Variants in CNTNAP2 observed in about 807,000 individuals in gnomAD.
The protein encoded by CNTNAP2 is contactin-associated protein-like 2.
In CNTNAP2, 98 loss-of-function variants were observed where a neutral mutation model predicts 155.2. The observed-to-expected ratio is 0.63, with a 90% confidence interval of 0.54 to 0.75. The LOEUF is 0.75. Ranked by LOEUF, CNTNAP2 falls within the 30% of genes least tolerant of loss-of-function variation. The probability of loss-of-function intolerance (pLI) is 0.00; values close to 1 mark genes in which losing one functional copy is unlikely to be tolerated. For missense variants in CNTNAP2, 1,727 were observed against 1,688.1 expected, an observed-to-expected ratio of 1.02 and a Z score of -0.40; for synonymous variants, 651 against 631.2, an observed-to-expected ratio of 1.03 and a Z score of -0.47.
At chr7:147,862,107 A>G (rs1413622709) in intron 13 of CNTNAP2, among the ~76,000 whole-genome samples, 2 of 152,082 alleles carry the variant, frequency 1.3e-5, no homozygotes. Flanking sequence ...ATGAAACAGT[A>G]TTCCAGCAAA....
chr7:147,888,423 G>A (rs1430571317), intron 13 of CNTNAP2, among the ~76,000 whole-genome samples: 1 of 151,950 alleles, frequency 6.6e-6, no homozygotes, highest in African/African-American at 2.4e-5. Flanking sequence ...AGTGAGAGTT[G>A]TCAAATATGA....
intron 3 of CNTNAP2, among the ~76,000 whole-genome samples, chr7:147,028,342 TA>T (rs1409087697): frequency 6.6e-6 from 1 of 152,224 alleles, no homozygotes; most frequent in African/African-American, 2.4e-5. Context: ...CAATACAAAA[TA>T]ATGCAATATT....
At chr7:146,132,604 C>G (rs927110901) in intron 1 of CNTNAP2, among the ~76,000 whole-genome samples, 4 of 138,062 alleles carry the variant, frequency 2.9e-5, no homozygotes, top group Non-Finnish European at 6.1e-5. Flanking sequence ...TGTGATATTC[C>G]CCTTCCTGTG....
intron 8 of CNTNAP2, among the ~76,000 whole-genome samples, chr7:147,197,341 G>GC (rs1802827046): frequency 1.8e-5 from 1 of 54,212 alleles, no homozygotes; most frequent in African/African-American, 6.9e-5. Flanking sequence ...CTGCCCCCCC[G>GC]CCCCCCGTGG....
chr7:147,095,326 G>A (rs914534017), intron 4 of CNTNAP2, among the ~76,000 whole-genome samples: 41 of 150,994 alleles, frequency 2.7e-4, no homozygotes, highest in South Asian at 8.4e-4. Context: ...GTGAGCCACC[G>A]CACCCAGCCT....
At chr7:147,186,053 A>G (rs1172316589) in intron 8 of CNTNAP2, among the ~76,000 whole-genome samples, 2 of 152,198 alleles carry the variant, frequency 1.3e-5, no homozygotes, top group African/African-American at 2.4e-5. Context: ...GTACGTCTTT[A>G]TTAGCAGTAT....
chr7:147,727,715 A>G (rs558165842), intron 13 of CNTNAP2, among the ~76,000 whole-genome samples: 1 of 149,132 alleles, frequency 6.7e-6, no homozygotes, highest in Admixed American at 6.7e-5. Flanking sequence ...CATCATAGCT[A>G]GGACTGGAAA....
intron 3 of CNTNAP2, among the ~76,000 whole-genome samples, chr7:146,899,002 T>G (rs188090869): frequency 4.7e-4 from 72 of 152,284 alleles, no homozygotes; most frequent in African/African-American, 1.7e-3. Context: ...TTTAAGTGCA[T>G]AAATTATTCA....
chr7:146,859,812 A>G (rs1440453236), intron 3 of CNTNAP2, among the ~76,000 whole-genome samples: 2 of 152,188 alleles, frequency 1.3e-5, no homozygotes, highest in African/African-American at 2.4e-5. Context: ...TGCACGTGGT[A>G]TCTCAGTGAG....
chr7:147,877,240 C>G lies in CNTNAP2; in HGVS notation c.2099-26325C>G, dbSNP rs1236336242. Among the ~76,000 whole-genome samples the G allele has an allele frequency of 2.6e-5, 4 of 152,146 alleles. No individual in the cohort carries two copies. In the East Asian group the frequency reaches 7.7e-4, roughly 29 times the overall value. ...TCAGGAGTCTAGCTGTTACCTCAGT[C>G]TGGCTGGTACCTGCAAACTGCCAGC... On this transcript the variant is annotated intron_variant, in intron 13 of 23. Transcript: ENST00000361727.
intron 10 of CNTNAP2, among the ~76,000 whole-genome samples, chr7:147,441,425 G>T (rs958664404): frequency 6.6e-6 from 1 of 152,018 alleles, no homozygotes; most frequent in South Asian, 2.1e-4. Context: ...CTGTCTGAAA[G>T]GTCACATATC....
chr7:147,669,478 C>T (rs929167118), intron 13 of CNTNAP2, among the ~76,000 whole-genome samples: 10 of 152,284 alleles, frequency 6.6e-5, no homozygotes, highest in East Asian at 3.9e-4. Context: ...TTACAGCTTT[C>T]GAAGACTACT....
intron 3 of CNTNAP2, among the ~76,000 whole-genome samples, chr7:146,904,550 C>T (rs148627326): frequency 0.014 from 2,114 of 152,248 alleles, 49 homozygotes; most frequent in African/African-American, 0.048. Flanking sequence ...CGGCTCACTG[C>T]AAGCTGCGCC....
intron 9 of CNTNAP2, among the ~76,000 whole-genome samples, chr7:147,369,332 C>T (rs184803529): frequency 6.6e-6 from 1 of 152,314 alleles, no homozygotes; most frequent in African/African-American, 2.4e-5. Context: ...CTGTCTCCCC[C>T]AAGCTAAACG....
intron 6 of CNTNAP2, among the ~76,000 whole-genome samples, chr7:147,123,840 A>C (rs1801169866): frequency 6.6e-6 from 1 of 152,160 alleles, no homozygotes; most frequent in African/African-American, 2.4e-5. Context: ...CAGGAGTTTA[A>C]GACCAGCCTG....
chr7:146,930,770 G>T (rs1376358811), intron 3 of CNTNAP2, among the ~76,000 whole-genome samples: 1 of 151,930 alleles, frequency 6.6e-6, no homozygotes, highest in Admixed American at 6.6e-5. Context: ...AACAAAAAAA[G>T]GCAGGGTTTG....
intron 21 of CNTNAP2, among the ~76,000 whole-genome samples, chr7:148,328,078 G>T (rs1797922439): frequency 6.6e-6 from 1 of 152,178 alleles, no homozygotes; most frequent in African/African-American, 2.4e-5. Context: ...AACCTCTAAG[G>T]CACAAGTGTG....
chr7:148,399,614 T>C (rs1391355654), intron 22 of CNTNAP2, among the ~76,000 whole-genome samples: 3 of 152,212 alleles, frequency 2.0e-5, no homozygotes, highest in African/African-American at 7.2e-5. Context: ...TTAAACTCTT[T>C]GGCTGTTTTT....
intron 13 of CNTNAP2, among the ~76,000 whole-genome samples, chr7:147,834,860 A>G (rs1219156161): frequency 6.6e-6 from 1 of 152,210 alleles, no homozygotes; most frequent in Admixed American, 6.5e-5. Context: ...TTTAGCTTAC[A>G]TAAATAACAA....
Sources: gnomAD v4.1 joint callset for allele counts (sites outside exome capture counted in the v4.1 genomes callset) on GRCh38, gnomAD v4.1.1 for gene constraint, MANE v1.5 for transcripts, NCBI Gene and HGNC (gene_info 2026-07-23, HGNC 2026-07-21) for gene names.